Variants in GNG4 observed in about 807,000 individuals in gnomAD.
The protein encoded by GNG4 is G protein subunit gamma 4, also known as guanine nucleotide-binding protein G(I)/G(S)/G(O) subunit gamma-4.
In GNG4, 4 loss-of-function variants were observed where a neutral mutation model predicts 5.8. The observed-to-expected ratio is 0.69, with a 90% CI of 0.34 to 1.57. GNG4 has a LOEUF of 1.57. Among genes scored for constraint, GNG4 ranks in the 40% most tolerant of loss-of-function variants. GNG4 has a pLI of 0.06. For synonymous variants in GNG4, 29 were observed against 32.9 expected, an observed-to-expected ratio of 0.88 and a Z score of 0.41; for missense variants, 96 against 95.1, an observed-to-expected ratio of 1.01 and a Z score of -0.04.
At chr1:235,619,185 A>ATT (rs1397895432) in intron 1 of GNG4, among the ~76,000 whole-genome samples, 8 of 84,998 alleles carry the variant, frequency 9.4e-5, no homozygotes, top group African/African-American at 8.7e-4. Context: ...ATACACACAC[A>ATT]TATATATACA....
At chr1:235,619,473 G>A (rs766199012) in intron 1 of GNG4, among the ~76,000 whole-genome samples, 2 of 152,090 alleles carry the variant, frequency 1.3e-5, no homozygotes, top group Non-Finnish European at 2.9e-5. Flanking sequence ...TTCTTGAAAA[G>A]AGCATGAGCA....
chr1:235,560,199 C>A (rs558292806), intron 3 of GNG4, among the ~76,000 whole-genome samples: 2 of 152,286 alleles, frequency 1.3e-5, no homozygotes, highest in South Asian at 4.1e-4. Context: ...TGGATGCCAT[C>A]ATATATTGCC....
intron 1 of GNG4, among the ~76,000 whole-genome samples, chr1:235,603,880 C>G (rs998514229): frequency 6.6e-6 from 1 of 152,098 alleles, no homozygotes; most frequent in South Asian, 2.1e-4. Flanking sequence ...GGTTGGCAGA[C>G]CAGCGGTTAT....
chr1:235,569,242 G>A (rs1571882358), intron 3 of GNG4, among the ~76,000 whole-genome samples: 2 of 152,150 alleles, frequency 1.3e-5, no homozygotes, highest in South Asian at 4.1e-4. Context: ...GGGTGTGGGG[G>A]CTCACGCCTG....
intron 1 of GNG4, among the ~76,000 whole-genome samples, chr1:235,641,264 A>G (rs927776347): frequency 6.6e-6 from 1 of 151,962 alleles, no homozygotes; most frequent in African/African-American, 2.4e-5. Flanking sequence ...GTGGTGGGCA[A>G]CTGTAGCCCC....
chr1:235,625,360 C>T (rs368019362), intron 1 of GNG4, among the ~76,000 whole-genome samples: 1 of 152,196 alleles, frequency 6.6e-6, no homozygotes. Context: ...CCCAAATAGG[C>T]GCAGCCTCCC....
intron 3 of GNG4, among the ~76,000 whole-genome samples, chr1:235,582,526 C>A (rs1338399123): frequency 6.6e-6 from 1 of 152,194 alleles, no homozygotes; most frequent in African/African-American, 2.4e-5. Context: ...CTCAGCAATG[C>A]CTTTCACTGC....
At chr1:235,596,207 AAT>A (rs1688119960) in intron 1 of GNG4, among the ~76,000 whole-genome samples, 1 of 28,770 alleles carries the variant, frequency 3.5e-5, no homozygotes, top group Non-Finnish European at 7.1e-5. Context: ...AAACAAACAA[AAT>A]ACACACACAC....
At chr1:235,613,718 T>G (rs1229459140) in intron 1 of GNG4, among the ~76,000 whole-genome samples, 2 of 152,238 alleles carry the variant, frequency 1.3e-5, no homozygotes, top group Non-Finnish European at 2.9e-5. Flanking sequence ...ATTTTGGACT[T>G]CTGACCTCTA....
rs113452862 is a variant in GNG4, at chr1:235,628,468, C to T, written c.-123+21194G>A. On this transcript the variant is annotated intron_variant, in intron 1 of 3. Coordinates refer to ENST00000391854, the MANE Select transcript of GNG4 (RefSeq NM_001098722.2). ...AAAATGGCCATTGGGTGCCCTGAAG[C>T]GGAGGAGGTCATGGGCAGTCTTGTG... 2.4e-3 allele frequency among the ~76,000 whole-genome samples: 360 copies of T among 151,950 alleles called. 1 individual carries two copies. The highest frequency in any genetic ancestry group is 4.3e-3 in the Non-Finnish European group (294 of 67,970).
At chr1:235,593,539 T>G (rs1461214254) in intron 2 of GNG4, among the ~76,000 whole-genome samples, 1 of 152,234 alleles carries the variant, frequency 6.6e-6, no homozygotes, top group Admixed American at 6.5e-5. Context: ...ATTGGTGGGT[T>G]CTTGGTCTCA....
At chr1:235,554,979 G>C (rs890674045) in intron 3 of GNG4, among the ~76,000 whole-genome samples, 1 of 151,528 alleles carries the variant, frequency 6.6e-6, no homozygotes, top group Admixed American at 6.6e-5. Context: ...TATAATCCTC[G>C]TTATGTCATT....
At position 235,619,110 on chromosome 1, in the gene GNG4, G is replaced by A. The variant is rs1482562992; in HGVS notation, c.-122-23599C>T. 3.4e-5 allele frequency among the ~76,000 whole-genome samples: 4 copies of A among 116,020 alleles called. No individual in the cohort carries two copies. In the South Asian group the frequency reaches 8.3e-4, roughly 24 times the overall value. 76.1% of individuals were successfully genotyped at this position (116,020 alleles called of 152,430 possible). The stretch of plus-strand genomic sequence containing the variant: ...GGCTGAGGAGTTCAAGACCACCCTC[G>A]GCAACATTGCAAACGCTGTCTCTAA... On this transcript the variant is annotated intron_variant, in intron 1 of 3. Transcript: ENST00000391854.
intron 2 of GNG4, among the ~76,000 whole-genome samples, chr1:235,587,021 G>A (rs1448760057): frequency 6.6e-6 from 1 of 152,046 alleles, no homozygotes; most frequent in African/African-American, 2.4e-5. Context: ...AGGTTCAGGG[G>A]AGGAGGAGGT....
intron 1 of GNG4, among the ~76,000 whole-genome samples, chr1:235,632,144 G>A (rs1007730585): frequency 7.9e-5 from 12 of 151,976 alleles, no homozygotes; most frequent in Non-Finnish European, 1.3e-4. Flanking sequence ...GGGGTGCAGC[G>A]GCACCATCAT....
intron 1 of GNG4, among the ~76,000 whole-genome samples, chr1:235,643,993 G>A (rs530761441): frequency 1.1e-4 from 16 of 152,286 alleles, no homozygotes; most frequent in African/African-American, 3.1e-4. Context: ...ACTTGCTGCA[G>A]TGTTCACGGA....
chr1:235,626,355 C>T (rs1688809039), intron 1 of GNG4, among the ~76,000 whole-genome samples: 1 of 152,086 alleles, frequency 6.6e-6, no homozygotes, highest in Admixed American at 6.6e-5. Context: ...TGTCTTCTCC[C>T]AATCTGTGAC....
chr1:235,551,905 A>G lies in GNG4; in HGVS notation c.*204T>C, dbSNP rs1018220977. On this transcript the variant is annotated 3_prime_UTR_variant, in exon 4 of 4. Transcript: ENST00000391854. ...ATAAACATTTTGATTTTCTTTGCCA[A>G]TAATGAAAATAACATGAAAATGAAA... 7 of 477,504 alleles carry G rather than the reference A, an allele frequency of 1.5e-5. No individual in the cohort carries two copies. The highest frequency in any genetic ancestry group is 5.6e-5 in the South Asian group (2 of 35,908). 29.6% of individuals were successfully genotyped at this position (477,504 alleles called of 1,614,324 possible).
chr1:235,625,751 T>A (rs1462148966), intron 1 of GNG4, among the ~76,000 whole-genome samples: 3 of 152,246 alleles, frequency 2.0e-5, no homozygotes, highest in Non-Finnish European at 4.4e-5. Context: ...CTATGTTGTG[T>A]CATGACTTGA....
Sources: allele counts gnomAD v4.1 joint callset (sites outside exome capture counted in the v4.1 genomes callset), GRCh38; gene constraint gnomAD v4.1.1; transcripts MANE v1.5; gene names NCBI Gene and HGNC (gene_info 2026-07-23, HGNC 2026-07-21).